TPRG1: variants seen among roughly 807,000 people sequenced by gnomAD.
TPRG1 encodes the protein tumor protein p63 regulated 1, also known as tumor protein p63-regulated gene 1 protein.
TPRG1 carries 29 observed loss-of-function variants against 29.3 expected under a neutral mutation model. That is an observed-to-expected ratio of 0.99 (90% CI 0.74 to 1.35). The LOEUF is 1.35. TPRG1 is among the 40% of genes most tolerant of loss of function. The pLI is 0.00. For synonymous variants in TPRG1, 130 were observed against 116.8 expected, an observed-to-expected ratio of 1.11 and a Z score of -0.73; for missense variants, 327 against 335.0, an observed-to-expected ratio of 0.98 and a Z score of 0.19.
In TPRG1 at chr3:189,215,308, C is replaced by T. The variant is rs748674911; in HGVS notation, c.227C>T (p.Thr76Ile). 2 of 1,612,482 alleles carry T rather than the reference C, an allele frequency of 1.2e-6. No individual in the cohort carries two copies. Among genetic ancestry groups the T allele is most frequent in the East Asian group, 4.5e-5 (2 of 44,824 alleles). Residue 76 changes from threonine to isoleucine, a missense_variant, in exon 3 of 6, where the codon ACT becomes ATT. Coordinates refer to ENST00000345063, the MANE Select transcript of TPRG1 (RefSeq NM_198485.4). ...TCCACACAGCCGGGGGCCATTGAGA[C>T]TGCCATGGAAGACTTGAAAGGTCAC... ...YFATRPGAIE[T>I]AMEDLKGHVA...
intron 4 of TPRG1, among the ~76,000 whole-genome samples, chr3:189,075,258 A>G (rs1401902405): frequency 6.6e-6 from 1 of 151,524 alleles, no homozygotes; most frequent in Non-Finnish European, 1.5e-5. Context: ...TCCGCCTCCC[A>G]AGTAGCTGGG....
At chr3:189,076,931 T>C (rs895431410) in intron 4 of TPRG1, among the ~76,000 whole-genome samples, 3 of 150,978 alleles carry the variant, frequency 2.0e-5, no homozygotes. Flanking sequence ...TACATATATA[T>C]ATATATATAT....
intron 1 of TPRG1, among the ~76,000 whole-genome samples, chr3:189,115,571 G>A (rs112310759): frequency 9.3e-4 from 142 of 152,242 alleles, no homozygotes; most frequent in Middle Eastern, 3.4e-3. Flanking sequence ...AAGTATTAGC[G>A]GTTGTCTAAT....
At chr3:189,000,373 A>G (rs1332125348) in intron 1 of TPRG1, among the ~76,000 whole-genome samples, 7 of 152,144 alleles carry the variant, frequency 4.6e-5, no homozygotes, top group Admixed American at 1.3e-4. Flanking sequence ...GTATAAATTT[A>G]TACCATAGAT....
At chr3:189,083,771 T>C (rs976776351) in intron 4 of TPRG1, among the ~76,000 whole-genome samples, 1 of 152,218 alleles carries the variant, frequency 6.6e-6, no homozygotes, top group Non-Finnish European at 1.5e-5. Flanking sequence ...GCTTGTCAGG[T>C]CCAGGTTCAA....
chr3:189,268,421 G>A (rs1327319723), intron 4 of TPRG1, among the ~76,000 whole-genome samples: 1 of 152,144 alleles, frequency 6.6e-6, no homozygotes, highest in Non-Finnish European at 1.5e-5. Context: ...GTGCCTGATT[G>A]GACAGGGCCA....
At chr3:189,250,219 C>T (rs1741949341) in intron 4 of TPRG1, among the ~76,000 whole-genome samples, 1 of 152,090 alleles carries the variant, frequency 6.6e-6, no homozygotes, top group African/African-American at 2.4e-5. Flanking sequence ...GTGTAAAGGG[C>T]TTTCTCTGGC....
At chr3:189,218,118 CTCTT>C (rs2108850788) in intron 3 of TPRG1, 3 of 854,952 alleles carry the variant, frequency 3.5e-6, no homozygotes, top group East Asian at 2.5e-4. Context: ...ACAAGATTCT[CTCTT>C]TTTTTTTTGA....
intron 1 of TPRG1, among the ~76,000 whole-genome samples, chr3:189,206,808 C>CGTGTGTGAGT (rs1553922311): frequency 6.8e-6 from 1 of 147,626 alleles, no homozygotes; most frequent in East Asian, 2.0e-4. Context: ...GCTGAACAAC[C>CGTGTGTGAGT]GTGTGTGTGT....
intron 3 of TPRG1, among the ~76,000 whole-genome samples, chr3:189,016,111 T>G (rs536036042): frequency 6.6e-6 from 1 of 152,214 alleles, no homozygotes; most frequent in Admixed American, 6.5e-5. Flanking sequence ...GCCTGTACCC[T>G]GTAGAGCCAC....
At chr3:189,204,694 G>A (rs537129992) in intron 1 of TPRG1, among the ~76,000 whole-genome samples, 3 of 152,274 alleles carry the variant, frequency 2.0e-5, no homozygotes, top group East Asian at 3.9e-4. Flanking sequence ...GGAGCCTTTC[G>A]CAGATGTCTG....
chr3:189,046,606 G>C (rs1178796994), intron 4 of TPRG1, among the ~76,000 whole-genome samples: 1 of 151,840 alleles, frequency 6.6e-6, no homozygotes, highest in Non-Finnish European at 1.5e-5. Context: ...ATCACCACAG[G>C]GTTTTTAAGG....
chr3:189,066,549 G>A (rs558882240), intron 4 of TPRG1, among the ~76,000 whole-genome samples: 1 of 151,894 alleles, frequency 6.6e-6, no homozygotes, highest in East Asian at 1.9e-4. Context: ...CATCATATCA[G>A]CAGAATGAAG....
At chr3:189,022,896 C>G (rs1418276162) in intron 3 of TPRG1, among the ~76,000 whole-genome samples, 1 of 152,208 alleles carries the variant, frequency 6.6e-6, no homozygotes, top group African/African-American at 2.4e-5. Context: ...TGGGGTAGGA[C>G]CCTCCGAGCC....
chr3:189,021,993 T>C (rs377495808), intron 3 of TPRG1, among the ~76,000 whole-genome samples: 2 of 152,156 alleles, frequency 1.3e-5, no homozygotes, highest in South Asian at 4.1e-4. Flanking sequence ...CATCTTCCAT[T>C]ACTGATACCC....
intron 4 of TPRG1, among the ~76,000 whole-genome samples, chr3:189,281,131 G>T (rs1269844654): frequency 2.0e-5 from 3 of 152,102 alleles, no homozygotes; most frequent in African/African-American, 7.2e-5. Context: ...CACACTATAA[G>T]GTAGATACTA....
rs151109308 is a variant in TPRG1 at position 189,225,558 on chromosome 3, A to T, written c.302+10175A>T. ...CCTTAAAGCAAACAAACAAGACCTC[A>T]GTCTTAATGTTGAGGCTATCAACAC... On this transcript the variant is annotated intron_variant, in intron 3 of 5. Transcript: ENST00000345063. Among the ~76,000 whole-genome samples the T allele has an allele frequency of 2.7e-3, 412 of 152,354 alleles. 2 individuals are homozygous for T. The highest frequency in any genetic ancestry group is 9.3e-3 in the African/African-American group (386 of 41,582).
At chr3:189,001,265 A>T (rs1385136744) in intron 2 of TPRG1, among the ~76,000 whole-genome samples, 1 of 152,100 alleles carries the variant, frequency 6.6e-6, no homozygotes, top group Non-Finnish European at 1.5e-5. Flanking sequence ...CAACAATAAA[A>T]CAACAACAAC....
At chr3:189,160,813 T>A (rs1271527758) in intron 5 of TPRG1, among the ~76,000 whole-genome samples, 1 of 152,256 alleles carries the variant, frequency 6.6e-6, no homozygotes, top group Non-Finnish European at 1.5e-5. Context: ...ATACTTATCG[T>A]GTTCTTCATA....
Sources: allele counts gnomAD v4.1 joint callset (sites outside exome capture counted in the v4.1 genomes callset), GRCh38; gene constraint gnomAD v4.1.1; transcripts MANE v1.5; gene names NCBI Gene and HGNC (gene_info 2026-07-23, HGNC 2026-07-21).